Variants in CCDC3 observed in about 807,000 individuals in gnomAD.
CCDC3 encodes the protein coiled-coil domain containing 3.
CCDC3 carries 24 observed loss-of-function variants against 21.4 expected under a neutral mutation model. That is an observed-to-expected ratio of 1.12 (90% CI 0.81 to 1.58). The LOEUF (loss-of-function observed/expected upper bound fraction) is 1.58. CCDC3 is among the 40% of genes most tolerant of loss of function. The pLI is 0.00. For synonymous variants in CCDC3, 186 were observed against 166.0 expected (o/e 1.12, Z -0.93); for missense variants, 425 against 360.9 (o/e 1.18, Z -1.44).
chr10:12,910,906 T>G (rs890948964), intron 2 of CCDC3, among the ~76,000 whole-genome samples: 1 of 152,150 alleles, frequency 6.6e-6, no homozygotes, highest in African/African-American at 2.4e-5. Context: ...AGGGCAAAAT[T>G]TATATGTGGA....
intron 2 of CCDC3, among the ~76,000 whole-genome samples, chr10:12,918,441 T>C (rs1050557330): frequency 2.0e-5 from 3 of 152,262 alleles, no homozygotes; most frequent in African/African-American, 7.2e-5. Flanking sequence ...GATCAGTTTC[T>C]ATGCCCATTA....
At chr10:13,021,735 ACTCCT>A (rs1368444602) in intron 5 of CCDC3, among the ~76,000 whole-genome samples, 1 of 150,956 alleles carries the variant, frequency 6.6e-6, no homozygotes, top group African/African-American at 2.4e-5. Context: ...CTCTTTTCCT[ACTCCT>A]CTCCTCTATT....
chr10:12,959,198 C>T (rs921250394), intron 2 of CCDC3, among the ~76,000 whole-genome samples: 8 of 151,714 alleles, frequency 5.3e-5, no homozygotes, highest in South Asian at 4.2e-4. Context: ...GATGGCACCT[C>T]GCTCTGTCCC....
At chr10:12,916,233 A>G (rs976035390) in intron 2 of CCDC3, among the ~76,000 whole-genome samples, 10 of 152,118 alleles carry the variant, frequency 6.6e-5, no homozygotes, top group South Asian at 4.1e-4. Context: ...GGCGATTGAG[A>G]CCAGCCTGGC....
intron 5 of CCDC3, among the ~76,000 whole-genome samples, chr10:13,025,400 A>G (rs1836201682): frequency 2.0e-5 from 3 of 152,230 alleles, no homozygotes; most frequent in Non-Finnish European, 4.4e-5. Flanking sequence ...CTCATCAGGT[A>G]GCCAAACACA....
intron 3 of CCDC3, among the ~76,000 whole-genome samples, chr10:13,082,488 C>T (rs1406518349): frequency 1.3e-5 from 2 of 152,208 alleles, no homozygotes; most frequent in Non-Finnish European, 2.9e-5. Context: ...CACAGGGAGA[C>T]GTTTAGGCCT....
At chr10:13,084,287 CTTT>C (rs61688783) in intron 3 of CCDC3, among the ~76,000 whole-genome samples, 2 of 102,192 alleles carry the variant, frequency 2.0e-5, no homozygotes, top group Admixed American at 2.0e-4. Flanking sequence ...CTTTTCTTTT[CTTT>C]TTTTTTTTTT....
intron 2 of CCDC3, among the ~76,000 whole-genome samples, chr10:12,954,770 A>G (rs1393453579): frequency 1.3e-5 from 2 of 152,200 alleles, no homozygotes; most frequent in African/African-American, 4.8e-5. Context: ...ATCAAATTTC[A>G]ACATGGAATT....
intron 2 of CCDC3, among the ~76,000 whole-genome samples, chr10:12,991,126 T>G (rs74119555): frequency 6.6e-6 from 1 of 152,184 alleles, no homozygotes; most frequent in Non-Finnish European, 1.5e-5. Context: ...TCTAGAGCCC[T>G]TTCTGAAAAA....
intron 4 of CCDC3, among the ~76,000 whole-genome samples, chr10:13,052,059 G>A (rs1836615211): frequency 6.6e-6 from 1 of 152,132 alleles, no homozygotes; most frequent in Non-Finnish European, 1.5e-5. Flanking sequence ...CCTAGAAGGT[G>A]CAAATTACTA....
upstream of CCDC3, among the ~76,000 whole-genome samples, chr10:13,002,099 T>G (rs746523699): frequency 6.6e-6 from 1 of 152,224 alleles, no homozygotes; most frequent in African/African-American, 2.4e-5. Context: ...GACTTTATAT[T>G]CCCAGAGATT....
intron 5 of CCDC3, among the ~76,000 whole-genome samples, chr10:13,032,912 C>T (rs1458357727): frequency 6.6e-6 from 1 of 152,206 alleles, no homozygotes; most frequent in Admixed American, 6.5e-5. Flanking sequence ...CATGGCCATA[C>T]TGCCCAAGGT....
At chr10:12,974,569 G>T (rs1159036382) in intron 2 of CCDC3, among the ~76,000 whole-genome samples, 1 of 152,236 alleles carries the variant, frequency 6.6e-6, no homozygotes, top group Non-Finnish European at 1.5e-5. Context: ...GAAGGCAGGG[G>T]ATGTGTGGGG....
At chr10:12,900,411 GC>G (rs201532597) in intron 2 of CCDC3, among the ~76,000 whole-genome samples, 1,672 of 151,566 alleles carry the variant, frequency 0.011, 11 homozygotes, top group Middle Eastern at 0.027. Context: ...GGGTGTGGTG[GC>G]TCACGCCTGT....
At chr10:13,088,614 A>T (rs929864376) in intron 3 of CCDC3, among the ~76,000 whole-genome samples, 2 of 152,240 alleles carry the variant, frequency 1.3e-5, no homozygotes, top group African/African-American at 2.4e-5. Context: ...GGAATGAGAC[A>T]GGCTGCCGCT....
intron 5 of CCDC3, among the ~76,000 whole-genome samples, chr10:13,007,881 AC>A (rs1835942910): frequency 6.6e-6 from 1 of 152,116 alleles, no homozygotes. Flanking sequence ...CTGGGGCCAA[AC>A]AAGTTAGGTC....
At chr10:12,986,807 A>G (rs1835603660) in intron 2 of CCDC3, among the ~76,000 whole-genome samples, 1 of 152,236 alleles carries the variant, frequency 6.6e-6, no homozygotes, top group African/African-American at 2.4e-5. Flanking sequence ...AACAAAAACA[A>G]AAAAGTAATC....
At chr10:12,957,618 C>T (rs777712003) in intron 2 of CCDC3, among the ~76,000 whole-genome samples, 8 of 152,116 alleles carry the variant, frequency 5.3e-5, no homozygotes, top group African/African-American at 1.2e-4. Context: ...CCCTTGGTGC[C>T]GTCCTCACGA....
At chr10:13,042,392 C>T (rs1218952738) in intron 5 of CCDC3, among the ~76,000 whole-genome samples, 3 of 152,098 alleles carry the variant, frequency 2.0e-5, no homozygotes, top group African/African-American at 4.8e-5. Flanking sequence ...GAATGAGGGG[C>T]GGGAGACCGC....
Sources: allele counts gnomAD v4.1 joint callset (sites outside exome capture counted in the v4.1 genomes callset), GRCh38; gene constraint gnomAD v4.1.1; transcripts MANE v1.5; gene names NCBI Gene and HGNC (gene_info 2026-07-23, HGNC 2026-07-21).